Variants in ZNF404 observed in about 807,000 individuals in gnomAD.
ZNF404 encodes zinc finger protein 404.
ZNF404 carries 7 observed loss-of-function variants against 7.3 expected under a neutral mutation model. That is an observed-to-expected ratio of 0.95 (90% CI 0.54 to 1.79). ZNF404 has a LOEUF of 1.79. Among genes scored for constraint, ZNF404 ranks in the 40% most tolerant of loss-of-function variants. ZNF404 has a pLI of 0.00. For missense variants in ZNF404, 560 were observed against 661.5 expected (o/e 0.85, Z 1.68); for synonymous variants, 191 against 209.9 (o/e 0.91, Z 0.78).
At position 43,872,508 on chromosome 19, in the gene ZNF404, T is replaced by C. The variant is rs768097299; in HGVS notation, c.*47A>G. 7 of 1,435,628 alleles carry C rather than the reference T, an allele frequency of 4.9e-6. No homozygotes were observed. Among genetic ancestry groups the C allele is most frequent in the Non-Finnish European group, 6.5e-6 (7 of 1,072,096 alleles). 88.9% of individuals were successfully genotyped at this position (1,435,628 alleles called of 1,614,324 possible). A position where few individuals can be genotyped will look rare whatever the true frequency, so the allele number is the denominator to read the frequency against. ...TTTAATCTTCACTATAGCATCATAA[T>C]AGTGACAACAGTAAAAATGTGCCAT... is the stretch of plus-strand genomic sequence containing the variant. On this transcript the variant is annotated 3_prime_UTR_variant, in exon 3 of 3. Transcript: ENST00000587539. The surrounding 1 kb of genome is among the most constrained non-coding windows in gnomAD (Gnocchi z 4.4).
intron 2 of ZNF404, among the ~76,000 whole-genome samples, chr19:43,877,102 GT>G (rs148982111): frequency 0.023 from 3,449 of 152,212 alleles, 140 homozygotes; most frequent in African/African-American, 0.076. Flanking sequence ...TGTTAACAAT[GT>G]TAACTTGCTA....
At chr19:43,883,613 TG>T (rs1389530239) in intron 1 of ZNF404, among the ~76,000 whole-genome samples, 1 of 152,196 alleles carries the variant, frequency 6.6e-6, no homozygotes, top group African/African-American at 2.4e-5. Context: ...TTTCCACTCC[TG>T]TAGTCAAATA....
rs1255935024 is a variant in ZNF404, at chr19:43,872,408, TA to T, written c.*146del. 2 of 554,978 alleles carry T rather than the reference TA, an allele frequency of 3.6e-6. No individual in the cohort carries two copies. Among genetic ancestry groups the T allele is most frequent in the Non-Finnish European group, 5.9e-6 (2 of 340,528 alleles). 34.4% of individuals were successfully genotyped at this position (554,978 alleles called of 1,614,324 possible). A position where few individuals can be genotyped will look rare whatever the true frequency, so the allele number is the denominator to read the frequency against. On this transcript the variant is annotated 3_prime_UTR_variant, in exon 3 of 3. Coordinates refer to ENST00000587539, the MANE Select transcript of ZNF404 (RefSeq NM_001033719.3). The surrounding 1 kb of genome is among the most constrained non-coding windows in gnomAD (Gnocchi z 4.4). The stretch of plus-strand genomic sequence containing the variant: ...TTTTTAGTAATTCTAACAATTATCA[TA>T]AAAATAATGTATTTAGTAAGCAAAT...
rs1971832718 is a variant in ZNF404, at chr19:43,873,838, T to G, written c.376A>C (p.Thr126Pro). The G allele has an allele frequency of 6.2e-7, 1 of 1,608,520 alleles. No homozygotes were observed. The highest frequency in any genetic ancestry group is 8.5e-7 in the Non-Finnish European group (1 of 1,179,528). The stretch of plus-strand genomic sequence containing the variant: ...TTACACTCATATGATTTCTCTCTTG[T>G]GTTATTTCTCTTATGTAGAGGAAGG... Reference protein sequence around the residue: ...KSLPLHKRNNTREKSYECKEY... With the variant: ...KSLPLHKRNNPREKSYECKEY... The change falls in exon 3 of 3, where the codon ACA becomes CCA. Residue 126 changes from threonine (T) to proline (P), a missense_variant. Transcript: ENST00000587539.
intron 1 of ZNF404, among the ~76,000 whole-genome samples, chr19:43,883,227 T>A (rs913829504): frequency 1.3e-5 from 2 of 152,212 alleles, no homozygotes; most frequent in Non-Finnish European, 2.9e-5. Context: ...GCATGTATGT[T>A]GGACACAAAT....
chr19:43,872,489 C>T lies in ZNF404; in HGVS notation c.*66G>A, dbSNP rs1971817493. The T allele has an allele frequency of 7.7e-7, 1 of 1,297,840 alleles. No individual in the cohort carries two copies. Among genetic ancestry groups the T allele is most frequent in the African/African-American group, 1.5e-5 (1 of 66,874 alleles). The allele number at this position is 1,297,840 out of a possible 1,614,324, so 80.4% of individuals were successfully genotyped here. On this transcript the variant is annotated 3_prime_UTR_variant, in exon 3 of 3. Coordinates refer to ENST00000587539, the MANE Select transcript of ZNF404 (RefSeq NM_001033719.3). This position sits in a 1 kb window ranked among gnomAD's most constrained non-coding sequence, Gnocchi z 4.4. Reference sequence around the variant, plus strand: ...TATATTCTATATTAACTAGTTTAATCTTCACTATAGCATCATAATAGTGAC... The same window carrying T: ...TATATTCTATATTAACTAGTTTAATTTTCACTATAGCATCATAATAGTGAC...
chr19:43,873,120 C>A lies in ZNF404; in HGVS notation c.1094G>T (p.Cys365Phe), dbSNP rs868010013. 3.7e-6 allele frequency: 6 copies of A among 1,613,076 alleles called. No homozygotes were observed. Among genetic ancestry groups the A allele is most frequent in the Non-Finnish European group, 5.1e-6 (6 of 1,179,552 alleles). ...ATGCTGTGTAAGTTGAGAGCCTCTA[C>A]AAAAGGCCTTTCCACAATCCTTACA... Reference protein sequence around the residue: ...YDCKDCGKAFCRGSQLTQHQR... With the variant: ...YDCKDCGKAFFRGSQLTQHQR... Residue 365 changes from cysteine (C) to phenylalanine (F), a missense_variant, in exon 3 of 3, where the codon TGT becomes TTT. Physicochemically the swap from Cys to Phe is radical, Grantham distance 205. Coordinates refer to ENST00000587539, the MANE Select transcript of ZNF404 (RefSeq NM_001033719.3).
intron 1 of ZNF404, among the ~76,000 whole-genome samples, chr19:43,883,661 A>T (rs1317034898): frequency 1.3e-5 from 2 of 152,216 alleles, no homozygotes; most frequent in Non-Finnish European, 2.9e-5. Flanking sequence ...CATGAACCTG[A>T]CAACGGCAGC....
intron 1 of ZNF404, among the ~76,000 whole-genome samples, chr19:43,882,540 A>T (rs1238538740): frequency 1.3e-5 from 2 of 152,222 alleles, no homozygotes; most frequent in Non-Finnish European, 2.9e-5. Flanking sequence ...TTCATCCAGA[A>T]ATGGAACTCT....
chr19:43,877,347 C>G (rs1230043996), intron 2 of ZNF404, among the ~76,000 whole-genome samples: 1 of 151,992 alleles, frequency 6.6e-6, no homozygotes, highest in Non-Finnish European at 1.5e-5. Flanking sequence ...TAGTTAGCTC[C>G]CTGTTGGCCA....
At chr19:43,883,373 C>T (rs1971912587) in intron 1 of ZNF404, among the ~76,000 whole-genome samples, 1 of 152,092 alleles carries the variant, frequency 6.6e-6, no homozygotes, top group African/African-American at 2.4e-5. Context: ...CCTTGATTCC[C>T]TCAGGACTGT....
chr19:43,872,885 T>C lies in ZNF404; in HGVS notation c.1329A>G (p.Glu443=). 6.2e-7 allele frequency: 1 copy of C among 1,607,486 alleles called. No homozygotes were observed. Among genetic ancestry groups the C allele is most frequent in the Non-Finnish European group, 8.5e-7 (1 of 1,176,340 alleles). ...AATTAAGTCTAAAGGTTTTTCCACA[T>C]TCCTTACATTCATAGGGTTTCTCCC... is the stretch of plus-strand genomic sequence containing the variant. ...HAGEKPYECK[E]CGKTFRLNSQ... is the part of the protein sequence containing the mutation. Residue 443 remains glutamate, a synonymous_variant, in exon 3 of 3, where the codon GAA becomes GAG. Coordinates refer to ENST00000587539, the MANE Select transcript of ZNF404 (RefSeq NM_001033719.3). The surrounding 1 kb of genome is among the most constrained non-coding windows in gnomAD (Gnocchi z 4.4).
intron 2 of ZNF404, among the ~76,000 whole-genome samples, chr19:43,877,454 A>G (rs1971857700): frequency 6.6e-6 from 1 of 152,188 alleles, no homozygotes; most frequent in South Asian, 2.1e-4. Flanking sequence ...TACAAGGCGA[A>G]TCTGGAACCT....
chr19:43,880,125 T>G lies in ZNF404; in HGVS notation c.21A>C (p.Thr7=), dbSNP rs371868198. MARVPL[T]FSDVAIDFSQ... ...AGAAGTCTATGGCAACATCGCTGAATGTCAATGGCACCTGAAATGACAAAC... is the reference window on the plus strand; with the variant it reads ...AGAAGTCTATGGCAACATCGCTGAAGGTCAATGGCACCTGAAATGACAAAC... The change falls in exon 2 of 3, where the codon ACA becomes ACC. Residue 7 remains threonine (T), a synonymous_variant. Coordinates refer to ENST00000587539, the MANE Select transcript of ZNF404 (RefSeq NM_001033719.3). 758 of 1,611,330 alleles carry G rather than the reference T, an allele frequency of 4.7e-4. No individual in the cohort carries two copies. Among genetic ancestry groups the G allele is most frequent in the Non-Finnish European group, 6.3e-4 (739 of 1,178,890 alleles).
chr19:43,872,823 A>G lies in ZNF404; in HGVS notation c.1391T>C (p.Leu464Ser), dbSNP rs1429453503. Residue 464 changes from leucine (L) to serine (S), a missense_variant, in exon 3 of 3, where the codon TTG becomes TCG. Physicochemically the swap from Leu to Ser is moderately radical, Grantham distance 145 (BLOSUM62 -2). Transcript: ENST00000587539. The surrounding 1 kb of genome is among the most constrained non-coding windows in gnomAD (Gnocchi z 4.4). ...LIYHQTIHTG[L>S]KPYVCKECKK... Reference sequence around the variant, plus strand: ...ACATTCTTTACATACATAGGGTTTCAAACCAGTATGAATTGTCTGATGATA... The same window carrying G: ...ACATTCTTTACATACATAGGGTTTCGAACCAGTATGAATTGTCTGATGATA... The G allele has an allele frequency of 6.2e-7, 1 of 1,610,218 alleles. No homozygotes were observed. The highest frequency in any genetic ancestry group is 1.1e-5 in the South Asian group (1 of 90,692).
At chr19:43,882,018 T>G (rs137879463) in intron 1 of ZNF404, among the ~76,000 whole-genome samples, 1 of 148,680 alleles carries the variant, frequency 6.7e-6, no homozygotes, top group African/African-American at 2.5e-5. Context: ...AAGGTGATTC[T>G]AAAATTCAGA....
At chr19:43,879,177 A>G (rs753180199) in intron 2 of ZNF404, among the ~76,000 whole-genome samples, 19 of 152,236 alleles carry the variant, frequency 1.2e-4, no homozygotes, top group Non-Finnish European at 2.5e-4. Flanking sequence ...TAAAAGAATG[A>G]AGATTTCAAC....
chr19:43,880,471 C>T (rs919319090), intron 1 of ZNF404, among the ~76,000 whole-genome samples: 5 of 152,042 alleles, frequency 3.3e-5, no homozygotes, highest in African/African-American at 1.2e-4. Flanking sequence ...TTAATAAATA[C>T]AAGTTGTTAC....
chr19:43,879,648 T>C (rs1978723), intron 2 of ZNF404, among the ~76,000 whole-genome samples: 84,586 of 152,092 alleles, frequency 0.56, 24,078 homozygotes, highest in East Asian at 0.82. Flanking sequence ...GTAGGAAGAT[T>C]AGCAATTAAA....
Sources: gnomAD v4.1 joint callset for allele counts (sites outside exome capture counted in the v4.1 genomes callset) on GRCh38, gnomAD v4.1.1 for gene constraint, Gnocchi (gnomAD v3.1) non-coding constraint, MANE v1.5 for transcripts, NCBI Gene and HGNC (gene_info 2026-07-23, HGNC 2026-07-21) for gene names.